The following SLC9A9 variants were observed in gnomAD, a reference collection of about 807,000 sequenced individuals.
The protein encoded by SLC9A9 is solute carrier family 9 member A9, also known as sodium/hydrogen exchanger 9.
A neutral mutation model predicts 77.8 loss-of-function variants in SLC9A9; 62 were observed. The observed-to-expected ratio is 0.80, with a 90% CI of 0.65 to 0.98. The LOEUF (loss-of-function observed/expected upper bound fraction) is 0.98. SLC9A9 is among the 50% of genes least tolerant of loss of function. SLC9A9 has a pLI of 0.00. For missense variants in SLC9A9, 775 were observed against 774.9 expected, an observed-to-expected ratio of 1.00 and a Z score of 0.00; for synonymous variants, 320 against 283.5, an observed-to-expected ratio of 1.13 and a Z score of -1.29.
At chr3:143,290,599 G>T (rs1344307110) in intron 14 of SLC9A9, among the ~76,000 whole-genome samples, 2 of 152,152 alleles carry the variant, frequency 1.3e-5, no homozygotes, top group Non-Finnish European at 2.9e-5. Context: ...GGATACATCA[G>T]ATTGCCTTGC....
intron 13 of SLC9A9, among the ~76,000 whole-genome samples, chr3:143,370,560 T>TGCGCGC (rs1491119201): frequency 1.5e-5 from 1 of 66,658 alleles, no homozygotes; most frequent in African/African-American, 6.9e-5. Flanking sequence ...AGTATATGCA[T>TGCGCGC]GTGCGCGCAC....
intron 12 of SLC9A9, among the ~76,000 whole-genome samples, chr3:143,426,434 G>A (rs1554670): frequency 0.62 from 94,237 of 152,024 alleles, 29,556 homozygotes; most frequent in African/African-American, 0.72. Flanking sequence ...GAAACATCTT[G>A]TGGAAACCTA....
At chr3:143,552,660 TAAG>T (rs1291679681) in intron 8 of SLC9A9, among the ~76,000 whole-genome samples, 1 of 152,122 alleles carries the variant, frequency 6.6e-6, no homozygotes, top group Non-Finnish European at 1.5e-5. Flanking sequence ...AGAAAAACAT[TAAG>T]AAGTAGATTC....
At chr3:143,825,659 C>T (rs866921951) in intron 2 of SLC9A9, among the ~76,000 whole-genome samples, 134 of 152,306 alleles carry the variant, frequency 8.8e-4, no homozygotes, top group African/African-American at 3.1e-3. Flanking sequence ...GTGTAACTCA[C>T]TTCAAAGTAA....
chr3:143,752,483 T>C (rs1241484652), intron 4 of SLC9A9, among the ~76,000 whole-genome samples: 1 of 152,094 alleles, frequency 6.6e-6, no homozygotes, highest in African/African-American at 2.4e-5. Context: ...CCTCCATAGG[T>C]CTGCCCATCT....
At chr3:143,784,881 C>T (rs1421693450) in intron 4 of SLC9A9, among the ~76,000 whole-genome samples, 2 of 152,082 alleles carry the variant, frequency 1.3e-5, no homozygotes, top group Non-Finnish European at 2.9e-5. Flanking sequence ...GAGATGAGTG[C>T]CCTTATAAAA....
intron 1 of SLC9A9, among the ~76,000 whole-genome samples, chr3:143,844,764 TC>T (rs1442582111): frequency 6.8e-6 from 1 of 147,920 alleles, no homozygotes; most frequent in Admixed American, 6.8e-5. Context: ...TTTCTTTCTT[TC>T]TTTCTTTCTT....
intron 6 of SLC9A9, among the ~76,000 whole-genome samples, chr3:143,583,064 G>A (rs952440335): frequency 6.6e-6 from 1 of 152,072 alleles, no homozygotes; most frequent in African/African-American, 2.4e-5. Flanking sequence ...GAGGTGGGAC[G>A]GTTGCTTGAG....
At chr3:143,558,665 G>A (rs2037029073) in intron 8 of SLC9A9, among the ~76,000 whole-genome samples, 1 of 152,154 alleles carries the variant, frequency 6.6e-6, no homozygotes. Context: ...TGCAATGCCT[G>A]TACCCTCATT....
At chr3:143,645,764 G>A (rs1325503598) in intron 6 of SLC9A9, among the ~76,000 whole-genome samples, 1 of 151,778 alleles carries the variant, frequency 6.6e-6, no homozygotes. Flanking sequence ...CAAAATTGGT[G>A]CTCCATTTCT....
intron 14 of SLC9A9, among the ~76,000 whole-genome samples, chr3:143,301,583 A>G (rs1219851959): frequency 6.6e-6 from 1 of 152,216 alleles, no homozygotes; most frequent in Admixed American, 6.5e-5. Context: ...AGAAGATGAG[A>G]CAGACGCATT....
intron 9 of SLC9A9, chr3:143,517,572 T>C (rs1559949402): frequency 2.5e-6 from 4 of 1,597,600 alleles, no homozygotes; most frequent in Non-Finnish European, 3.4e-6. Context: ...TCTTTCAGCA[T>C]TGCACTAGCA....
At chr3:143,559,519 C>T (rs2037045691) in intron 8 of SLC9A9, among the ~76,000 whole-genome samples, 2 of 151,578 alleles carry the variant, frequency 1.3e-5, no homozygotes, top group South Asian at 4.1e-4. Flanking sequence ...CTATGTATTA[C>T]TTCATTAATC....
chr3:143,286,942 C>T (rs1938397624), intron 14 of SLC9A9, among the ~76,000 whole-genome samples: 1 of 152,182 alleles, frequency 6.6e-6, no homozygotes, highest in Non-Finnish European at 1.5e-5. Context: ...AGTTCTGGAC[C>T]TCACGAGGTG....
At chr3:143,379,207 G>A (rs2033246269) in intron 13 of SLC9A9, among the ~76,000 whole-genome samples, 1 of 152,116 alleles carries the variant, frequency 6.6e-6, no homozygotes, top group Non-Finnish European at 1.5e-5. Context: ...TTTAATAAAT[G>A]CAAATCAAGG....
intron 4 of SLC9A9, among the ~76,000 whole-genome samples, chr3:143,778,373 C>A (rs1482550953): frequency 2.0e-5 from 3 of 152,140 alleles, no homozygotes; most frequent in Admixed American, 1.3e-4. Flanking sequence ...ATCTAAATAG[C>A]TATTAACTAC....
intron 14 of SLC9A9, among the ~76,000 whole-genome samples, chr3:143,281,974 TTCACTATCTC>T (rs747035948): frequency 6.6e-6 from 1 of 152,208 alleles, no homozygotes; most frequent in Non-Finnish European, 1.5e-5. Flanking sequence ...TCACTTATGT[TTCACTATCTC>T]TCTGGGCCTT....
chr3:143,622,286 G>T (rs1408959575), intron 6 of SLC9A9, among the ~76,000 whole-genome samples: 1 of 152,014 alleles, frequency 6.6e-6, no homozygotes, highest in Non-Finnish European at 1.5e-5. Context: ...TACTCCTCGA[G>T]AAGAGTAACT....
At chr3:143,594,709 T>C (rs1483320167) in intron 6 of SLC9A9, among the ~76,000 whole-genome samples, 1 of 152,180 alleles carries the variant, frequency 6.6e-6, no homozygotes, top group Non-Finnish European at 1.5e-5. Context: ...AAGTATCTAG[T>C]TTAACTTGTA....
Sources: gnomAD v4.1 joint callset for allele counts (sites outside exome capture counted in the v4.1 genomes callset) on GRCh38, gnomAD v4.1.1 for gene constraint, MANE v1.5 for transcripts, NCBI Gene and HGNC (gene_info 2026-07-23, HGNC 2026-07-21) for gene names.